PRMT9: variants seen among roughly 807,000 people sequenced by gnomAD.
PRMT9 encodes protein arginine N-methyltransferase 9.
PRMT9 carries 59 observed loss-of-function variants against 83.2 expected under a neutral mutation model. The ratio of observed to expected loss-of-function variants is 0.71; its 90% confidence interval spans 0.57 to 0.88. The LOEUF is 0.88. Ranked by LOEUF, PRMT9 falls within the 40% of genes least tolerant of loss-of-function variation. The pLI, the probability that PRMT9 is intolerant of heterozygous loss-of-function variation, is 0.00. For missense variants in PRMT9, 947 were observed against 1,021.9 expected (o/e 0.93, Z 1.00); for synonymous variants, 333 against 353.2 (o/e 0.94, Z 0.64).
At position 147,654,334 on chromosome 4, in the gene PRMT9, T is replaced by A; in HGVS notation, c.1563A>T (p.Glu521Asp). The change falls in exon 9 of 12, where the codon GAA becomes GAT. Residue 521 changes from glutamate (E) to aspartate (D), a missense_variant. Physicochemically the swap from Glu to Asp is conservative, Grantham distance 45. Coordinates refer to ENST00000322396, the MANE Select transcript of PRMT9 (RefSeq NM_138364.4). Reference protein sequence around the residue: ...PDAVEQTCILESTEIALLNNI... With the variant: ...PDAVEQTCILDSTEIALLNNI... Reference sequence around the variant, plus strand: ...TGTTAAGCAAAGCAATTTCTGTAGATTCCAATATACATGTCTGCTCTACAG... The same window carrying A: ...TGTTAAGCAAAGCAATTTCTGTAGAATCCAATATACATGTCTGCTCTACAG... 1.2e-6 allele frequency: 2 copies of A among 1,614,190 alleles called. No homozygotes were observed. The highest frequency in any genetic ancestry group is 1.7e-6 in the Non-Finnish European group (2 of 1,179,998).
chr4:147,683,806 T>C lies in PRMT9; in HGVS notation c.182A>G (p.Asp61Gly). ...AGAAAAAAGGACCCTCACCTTCACG[T>C]CGTGTTTCAGCTCCGGCGCCAGGCT... ...VLSLAPELKH[D>G]VKETFQYTLF... Residue 61 changes from aspartate to glycine, a missense_variant, in exon 1 of 12, where the codon GAC (aspartate) becomes GGC (glycine). Transcript: ENST00000322396. The C allele has an allele frequency of 6.4e-7, 1 of 1,559,462 alleles. No homozygotes were observed. The highest frequency in any genetic ancestry group is 8.7e-7 in the Non-Finnish European group (1 of 1,147,858).
intron 4 of PRMT9, 114 bp from the exon 5 acceptor site, chr4:147,670,857 T>C: frequency 2.8e-6 from 2 of 710,972 alleles, no homozygotes; most frequent in Non-Finnish European, 5.0e-6. Context: ...CCATATGTAA[T>C]ATATCCTAAT....
intron 11 of PRMT9, 71 bp downstream of exon 11, chr4:147,638,889 A>G: frequency 6.9e-7 from 1 of 1,454,866 alleles, no homozygotes; most frequent in Non-Finnish European, 9.6e-7. Flanking sequence ...AGTATGTATA[A>G]AAGTATTACC....
chr4:147,679,907 A>T (rs1189454764), intron 2 of PRMT9, among the ~76,000 whole-genome samples: 1 of 152,192 alleles, frequency 6.6e-6, no homozygotes, highest in Non-Finnish European at 1.5e-5. Context: ...TGGTTTTGTA[A>T]TGGAGTACCT....
chr4:147,644,407 T>C (rs1222523357), intron 9 of PRMT9, among the ~76,000 whole-genome samples: 1 of 151,448 alleles, frequency 6.6e-6, no homozygotes, highest in Non-Finnish European at 1.5e-5. Flanking sequence ...ACTCTAATAC[T>C]GGAGGAGAGA....
At chr4:147,640,092 A>ATTTTTTTTTTTTTT (rs1560962912) in intron 10 of PRMT9, among the ~76,000 whole-genome samples, 1 of 70,376 alleles carries the variant, frequency 1.4e-5, no homozygotes, top group Non-Finnish European at 2.5e-5. Flanking sequence ...TTTTTTTTTA[A>ATTTTTTTTTTTTTT]TATAGGGTCT....
rs1205230785 is a variant in PRMT9, at chr4:147,654,345, A to G, written c.1552T>C (p.Cys518Arg). Residue 518 changes from cysteine to arginine, a missense_variant, in exon 9 of 12, where the codon TGT becomes CGT. Cys to Arg is a radical substitution (Grantham distance 180, BLOSUM62 -3). Transcript: ENST00000322396. ...TSKPDAVEQT[C>R]ILESTEIALL... ...GCAATTTCTGTAGATTCCAATATAC[A>G]TGTCTGCTCTACAGCATCTGGTTTA... 3 of 1,614,056 alleles carry G rather than the reference A, an allele frequency of 1.9e-6. No homozygotes were observed. The highest frequency in any genetic ancestry group is 2.7e-5 in the African/African-American group (2 of 74,928).
intron 2 of PRMT9, among the ~76,000 whole-genome samples, chr4:147,678,526 G>A (rs979146326): frequency 6.6e-6 from 1 of 152,182 alleles, no homozygotes; most frequent in Admixed American, 6.5e-5. Context: ...CCTTTGAAAG[G>A]CCTGATTACA....
intron 7 of PRMT9, among the ~76,000 whole-genome samples, chr4:147,658,902 G>A (rs1403026200): frequency 4.6e-5 from 7 of 152,078 alleles, no homozygotes; most frequent in Non-Finnish European, 1.0e-4. Flanking sequence ...GTTTGGGGCC[G>A]GGCACGGTTG....
At chr4:147,683,050 AAAG>A (rs1308471101) in intron 1 of PRMT9, among the ~76,000 whole-genome samples, 4 of 152,260 alleles carry the variant, frequency 2.6e-5, no homozygotes, top group Non-Finnish European at 2.9e-5. Context: ...GTACTTCAAA[AAAG>A]AACAGCATTT....
intron 6 of PRMT9, among the ~76,000 whole-genome samples, chr4:147,662,785 C>T (rs1336073321): frequency 2.0e-5 from 3 of 151,524 alleles, no homozygotes; most frequent in East Asian, 3.9e-4. Context: ...GGCAACAGAG[C>T]GAGACCCTGT....
At position 147,676,070 on chromosome 4, in the gene PRMT9, T is replaced by C. The variant is rs9307841; in HGVS notation, c.339-2196A>G. 2.8e-3 allele frequency among the ~76,000 whole-genome samples: 425 copies of C among 152,326 alleles called. 3 individuals are homozygous for C. The highest frequency in any genetic ancestry group is 9.7e-3 in the African/African-American group (402 of 41,580). On this transcript the variant is annotated intron_variant, in intron 2 of 11. Coordinates refer to ENST00000322396, the MANE Select transcript of PRMT9 (RefSeq NM_138364.4). The stretch of plus-strand genomic sequence containing the variant: ...TCTATAGCAAAAGCCACATTCACAC[T>C]ATCCCGAATTCTGAACTGCTACCGT...
chr4:147,682,059 G>A (rs1397210187), intron 1 of PRMT9, among the ~76,000 whole-genome samples: 2 of 152,204 alleles, frequency 1.3e-5, no homozygotes, highest in Admixed American at 6.5e-5. Context: ...AGGCTGGAGT[G>A]CAATGGCACA....
intron 9 of PRMT9, among the ~76,000 whole-genome samples, chr4:147,652,975 T>G (rs547907775): frequency 6.6e-6 from 1 of 152,184 alleles, no homozygotes; most frequent in Non-Finnish European, 1.5e-5. Context: ...CAGTATTCAC[T>G]CATGATTTTA....
At chr4:147,674,397 T>C (rs1179057423) in intron 2 of PRMT9, among the ~76,000 whole-genome samples, 1 of 152,110 alleles carries the variant, frequency 6.6e-6, no homozygotes, top group Non-Finnish European at 1.5e-5. Context: ...CCATTGTGCC[T>C]ACAGACACTA....
chr4:147,673,684 CCAAA>C lies in PRMT9; in HGVS notation c.525_528del (p.Cys175TrpfsTer16), dbSNP rs1735883138. The C allele has an allele frequency of 3.1e-6, 5 of 1,613,940 alleles. No individual in the cohort carries two copies. The African/African-American group carries it at 4.0e-5, about 13-fold the overall frequency. ...CCAATGTCCAAAACACTTTTGGACC[CCAAA>C]CAAACTGCCTTTTGGATTGCTGCAT... On this transcript the variant is annotated frameshift_variant, in exon 3 of 12. Transcript: ENST00000322396. LOFTEE classifies it high-confidence loss of function.
chr4:147,663,942 AT>A (rs1391911657), intron 6 of PRMT9, among the ~76,000 whole-genome samples: 1 of 152,194 alleles, frequency 6.6e-6, no homozygotes, highest in Non-Finnish European at 1.5e-5. Context: ...AAATGAGAAT[AT>A]TCTCTTAATC....
Position 147,661,139 on chromosome 4 carries a change from A to G in PRMT9, c.954-101T>C. 7.8e-6 allele frequency: 6 copies of G among 769,744 alleles called. No individual in the cohort carries two copies. In the South Asian group the frequency reaches 8.9e-5, roughly 11 times the overall value. The allele number at this position is 769,744 out of a possible 1,614,324, so 47.7% of individuals were successfully genotyped here. ...CCAGAAAAAAATACAAAAATGAAAT[A>G]AAACCTCATGAGCAAAGATTTCTTA... On this transcript the variant is annotated intron_variant, in intron 6 of 11. Transcript: ENST00000322396.
intron 5 of PRMT9, among the ~76,000 whole-genome samples, chr4:147,668,848 A>G (rs1227228418): frequency 1.3e-5 from 2 of 152,200 alleles, no homozygotes; most frequent in African/African-American, 4.8e-5. Flanking sequence ...GCACTTTAGG[A>G]GGCCAAGGCA....
Sources: gnomAD v4.1 joint callset for allele counts (sites outside exome capture counted in the v4.1 genomes callset) on GRCh38, gnomAD v4.1.1 for gene constraint, MANE v1.5 for transcripts, NCBI Gene and HGNC (gene_info 2026-07-23, HGNC 2026-07-21) for gene names.